Variants in PSMC2 observed in about 807,000 individuals in gnomAD.
The protein encoded by PSMC2 is proteasome 26S subunit, ATPase 2, also known as 26S proteasome regulatory subunit 7.
In PSMC2, 7 loss-of-function variants were observed where a neutral mutation model predicts 53.3. That is an observed-to-expected ratio of 0.13 (90% confidence interval 0.07 to 0.25). PSMC2 has a LOEUF of 0.25. Ranked by LOEUF, PSMC2 falls within the 10% of genes least tolerant of loss-of-function variation. The pLI, the probability that PSMC2 is intolerant of heterozygous loss-of-function variation, is 1.00. For synonymous variants in PSMC2, 169 were observed against 183.9 expected, an observed-to-expected ratio of 0.92 and a Z score of 0.66; for missense variants, 241 against 544.0, an observed-to-expected ratio of 0.44 and a Z score of 5.54.
At chr7:103,353,469 G>A (rs1211632185) in intron 1 of PSMC2, among the ~76,000 whole-genome samples, 2 of 152,074 alleles carry the variant, frequency 1.3e-5, no homozygotes, top group East Asian at 1.9e-4. Flanking sequence ...ACCATGCCAG[G>A]CCAATTTTTG....
Position 103,362,066 on chromosome 7 carries a change from A to G in PSMC2, c.400A>G (p.Ile134Val). The change falls in exon 5 of 12, where the codon ATT (isoleucine) becomes GTT (valine). Residue 134 changes from isoleucine to valine, a missense_variant. Ile to Val is a conservative substitution (Grantham distance 29, BLOSUM62 3). Coordinates refer to ENST00000292644, the MANE Select transcript of PSMC2 (RefSeq NM_002803.4). Reference protein sequence around the residue: ...DLSDQVAPTDIEEGMRVGVDR... With the variant: ...DLSDQVAPTDVEEGMRVGVDR... Reference sequence around the variant, plus strand: ...TAGTGATCAGGTGGCACCTACTGACATTGAAGAAGGGATGAGAGTGGGGTA... The same window carrying G: ...TAGTGATCAGGTGGCACCTACTGACGTTGAAGAAGGGATGAGAGTGGGGTA... The G allele has an allele frequency of 6.2e-7, 1 of 1,613,134 alleles. No homozygotes were observed.
Position 103,355,746 on chromosome 7 carries a change from T to C in PSMC2, c.243T>C (p.Ala81=), listed in dbSNP as rs1391038158. The stretch of plus-strand genomic sequence containing the variant: ...CCCCACCAGCACTCTGGGATTTGGC[T>C]GCAGATAAGCAGACACTCCAGAGTG... ...GLAPPALWDL[A]ADKQTLQSEQ... Residue 81 remains alanine, a synonymous_variant, in exon 4 of 12, where the codon GCT becomes GCC. Coordinates refer to ENST00000292644, the MANE Select transcript of PSMC2 (RefSeq NM_002803.4). 6 of 1,613,992 alleles carry C rather than the reference T, an allele frequency of 3.7e-6. No individual in the cohort carries two copies. Among genetic ancestry groups the C allele is most frequent in the Non-Finnish European group, 5.1e-6 (6 of 1,180,012 alleles).
At chr7:103,359,170 T>TTTTA (rs71110833) in intron 4 of PSMC2, among the ~76,000 whole-genome samples, 1 of 129,868 alleles carries the variant, frequency 7.7e-6, no homozygotes, top group Non-Finnish European at 1.6e-5. Flanking sequence ...TTTTTTTTTT[T>TTTTA]AATTTTTAGT....
At chr7:103,356,676 T>C (rs1208852579) in intron 4 of PSMC2, among the ~76,000 whole-genome samples, 1 of 152,250 alleles carries the variant, frequency 6.6e-6, no homozygotes, top group Non-Finnish European at 1.5e-5. Flanking sequence ...GTTCATATAT[T>C]GTACATATTG....
chr7:103,359,160 TTTTTTTTTTTA>T (rs1820224043), intron 4 of PSMC2, among the ~76,000 whole-genome samples: 2 of 129,766 alleles, frequency 1.5e-5, no homozygotes, highest in Admixed American at 7.8e-5. Flanking sequence ...TTTTTTTTTT[TTTTTTTTTTTA>T]ATTTTTAGTA....
intron 1 of PSMC2, among the ~76,000 whole-genome samples, chr7:103,350,770 TTTCAGG>T (rs1819713033): frequency 6.6e-6 from 1 of 152,178 alleles, no homozygotes; most frequent in Non-Finnish European, 1.5e-5. Context: ...AGTACTGGCA[TTTCAGG>T]GGTGAGCTAC....
chr7:103,361,871 T>G, intron 4 of PSMC2, 86 bp from the exon 5 acceptor site: 1 of 1,341,356 alleles, frequency 7.5e-7, no homozygotes, highest in Non-Finnish European at 1.0e-6. Context: ...ACCTGTATAT[T>G]GCACACTCAG....
chr7:103,361,932 C>G, intron 4 of PSMC2, 25 bp from the exon 5 acceptor site: 1 of 1,589,512 alleles, frequency 6.3e-7, no homozygotes, highest in South Asian at 1.1e-5. Flanking sequence ...GTTCCTTATT[C>G]TAATCAAGCT....
chr7:103,352,776 G>A (rs1049600376), intron 1 of PSMC2: 2 of 770,208 alleles, frequency 2.6e-6, no homozygotes, highest in Non-Finnish European at 4.8e-6. Flanking sequence ...ACAAAGTTCA[G>A]AAGTGTTAAG....
chr7:103,353,341 C>T (rs990733210), intron 1 of PSMC2, among the ~76,000 whole-genome samples: 14 of 152,094 alleles, frequency 9.2e-5, no homozygotes, highest in Admixed American at 5.2e-4. Flanking sequence ...GAGTCTCTCT[C>T]GGTCACCCAG....
In PSMC2 at chr7:103,357,286, AC is replaced by A. The variant is rs367659442; in HGVS notation, c.290+1494del. On this transcript the variant is annotated intron_variant, in intron 4 of 11. Coordinates refer to ENST00000292644, the MANE Select transcript of PSMC2 (RefSeq NM_002803.4). ...GGTTGCAGTAAGCTGAGATTGTGCC[AC>A]TGCACTTCAGCCTGGGGTGACAGAG... 4.1e-3 allele frequency among the ~76,000 whole-genome samples: 623 copies of A among 151,502 alleles called. 1 individual carries two copies. The highest frequency in any genetic ancestry group is 0.014 in the African/African-American group (589 of 41,226).
rs377639949 is a variant in PSMC2, at chr7:103,347,793, T to C, written c.70+12T>C. ...CAAGCCCATCCGAGGTCAGTTGACATGGGCCGGAGCTCGGAGCTGGGGCGG... is the reference window on the plus strand; with the variant it reads ...CAAGCCCATCCGAGGTCAGTTGACACGGGCCGGAGCTCGGAGCTGGGGCGG... On this transcript the variant is annotated intron_variant, in intron 1 of 11. Coordinates refer to ENST00000292644, the MANE Select transcript of PSMC2 (RefSeq NM_002803.4). 3 of 1,613,626 alleles carry C rather than the reference T, an allele frequency of 1.9e-6. No individual in the cohort carries two copies. Among genetic ancestry groups the C allele is most frequent in the African/African-American group, 2.7e-5 (2 of 74,892 alleles).
chr7:103,355,238 CT>C (rs1819963784), intron 3 of PSMC2, among the ~76,000 whole-genome samples: 1 of 152,150 alleles, frequency 6.6e-6, no homozygotes, highest in Admixed American at 6.5e-5. Context: ...AGTCAAAAAA[CT>C]TTTTTGGATA....
chr7:103,347,540 C>G, upstream of PSMC2: 1 of 649,860 alleles, frequency 1.5e-6, no homozygotes, highest in Non-Finnish European at 2.7e-6. Context: ...AGTCCAAAAA[C>G]CAGCGTGCCA....
intron 1 of PSMC2, 44 bp downstream of exon 1, chr7:103,347,825 A>G: frequency 6.2e-7 from 1 of 1,607,668 alleles, no homozygotes; most frequent in South Asian, 1.1e-5. Flanking sequence ...GCGGGACTGG[A>G]GCGGAGCTGC....
At chr7:103,352,375 A>AAT (rs1054384030) in intron 1 of PSMC2, among the ~76,000 whole-genome samples, 1 of 150,978 alleles carries the variant, frequency 6.6e-6, no homozygotes, top group East Asian at 1.9e-4. Flanking sequence ...TCCTAGGAGA[A>AAT]ATATATATAT....
intron 1 of PSMC2, among the ~76,000 whole-genome samples, chr7:103,349,454 C>CTT (rs113600623): frequency 6.8e-6 from 1 of 146,502 alleles, no homozygotes; most frequent in Non-Finnish European, 1.5e-5. Flanking sequence ...CATACATACC[C>CTT]TTTTTTTTTT....
chr7:103,367,357 C>A lies in PSMC2; in HGVS notation c.845-56C>A. 1.3e-6 allele frequency: 2 copies of A among 1,552,736 alleles called. No homozygotes were observed. The highest frequency in any genetic ancestry group is 1.8e-6 in the Non-Finnish European group (2 of 1,126,904). On this transcript the variant is annotated intron_variant, in intron 9 of 11. Coordinates refer to ENST00000292644, the MANE Select transcript of PSMC2 (RefSeq NM_002803.4). This position sits in a 1 kb window ranked among gnomAD's most constrained non-coding sequence, Gnocchi z 6.1. Reference sequence around the variant, plus strand: ...AGATTTTTGGTACTTTCAGGTCATGCATAGTGCTACTCTTGAGTGGACTTG... The same window carrying A: ...AGATTTTTGGTACTTTCAGGTCATGAATAGTGCTACTCTTGAGTGGACTTG...
intron 4 of PSMC2, 104 bp from the exon 5 acceptor site, chr7:103,361,853 T>C (rs987618468): frequency 1.1e-5 from 12 of 1,118,904 alleles, no homozygotes; most frequent in Admixed American, 3.1e-5. Flanking sequence ...TCTGTAGTTC[T>C]AGTTTATACC....
Sources: allele counts gnomAD v4.1 joint callset (sites outside exome capture counted in the v4.1 genomes callset), GRCh38; gene constraint gnomAD v4.1.1; non-coding constraint Gnocchi (gnomAD v3.1); transcripts MANE v1.5; gene names NCBI Gene and HGNC (gene_info 2026-07-23, HGNC 2026-07-21).